Variants in STK39 observed in about 807,000 individuals in gnomAD.
STK39 encodes serine/threonine kinase 39.
A neutral mutation model predicts 77.8 loss-of-function variants in STK39; 20 were observed. The ratio of observed to expected loss-of-function variants is 0.26; its 90% CI spans 0.18 to 0.37. The LOEUF is 0.37. Among genes scored for constraint, STK39 ranks in the 10% least tolerant of loss-of-function variants. STK39 has a pLI of 1.00. For missense variants in STK39, 479 were observed against 656.5 expected, an observed-to-expected ratio of 0.73 and a Z score of 2.95; for synonymous variants, 246 against 234.1, an observed-to-expected ratio of 1.05 and a Z score of -0.47.
chr2:168,090,065 C>G (rs577744066), intron 10 of STK39, among the ~76,000 whole-genome samples: 2 of 152,120 alleles, frequency 1.3e-5, no homozygotes, highest in East Asian at 3.8e-4. Flanking sequence ...TCCGAGGTAG[C>G]TGAGTTTGTG....
At position 168,138,240 on chromosome 2, in the gene STK39, T is replaced by C; in HGVS notation, c.841-19A>G. 6.2e-7 allele frequency: 1 copy of C among 1,606,396 alleles called. No homozygotes were observed. The highest frequency in any genetic ancestry group is 8.5e-7 in the Non-Finnish European group (1 of 1,176,088). On this transcript the variant is annotated intron_variant, in intron 7 of 17. Coordinates refer to ENST00000355999, the MANE Select transcript of STK39 (RefSeq NM_013233.3). The stretch of plus-strand genomic sequence containing the variant: ...TTAACACCTGCAGCAGAAACAAACA[T>C]GAAGACAGAATCTCAGTATAGCAAT...
chr2:168,168,797 C>A (rs890672197), intron 2 of STK39, among the ~76,000 whole-genome samples: 15 of 152,160 alleles, frequency 9.9e-5, no homozygotes, highest in Non-Finnish European at 2.2e-4. Flanking sequence ...TCAAGACCAG[C>A]CCAGCCAACA....
intron 16 of STK39, among the ~76,000 whole-genome samples, chr2:168,002,722 C>A (rs1684032264): frequency 6.6e-6 from 1 of 152,176 alleles, no homozygotes; most frequent in African/African-American, 2.4e-5. Context: ...TTACTTTAGT[C>A]TGTCTTTCTT....
At chr2:168,178,445 T>C (rs1271860325) in intron 2 of STK39, among the ~76,000 whole-genome samples, 2 of 152,216 alleles carry the variant, frequency 1.3e-5, no homozygotes, top group Non-Finnish European at 2.9e-5. Context: ...TTTGGGAGTG[T>C]TCTAATCTAA....
At chr2:167,999,547 T>C (rs1465943201) in intron 16 of STK39, among the ~76,000 whole-genome samples, 1 of 152,122 alleles carries the variant, frequency 6.6e-6, no homozygotes, top group Admixed American at 6.5e-5. Flanking sequence ...TTGCAAGCTC[T>C]GCCTCCTGGG....
Position 168,163,804 on chromosome 2 carries a change from T to C in STK39, c.507A>G (p.Ile169Met). ...HKNGVLEEAI[I>M]ATILKEVLEG... is the part of the protein sequence containing the mutation. ...CCAAAACCTCTTTAAGAATTGTTGC[T>C]ATTATTGCCTCTTCCAGAACTCCAT... The change falls in exon 4 of 18, where the codon ATA becomes ATG. Residue 169 changes from isoleucine to methionine, a missense_variant. Coordinates refer to ENST00000355999, the MANE Select transcript of STK39 (RefSeq NM_013233.3). The C allele has an allele frequency of 6.2e-7, 1 of 1,614,022 alleles. No individual in the cohort carries two copies.
chr2:168,033,631 A>T (rs4668001), intron 14 of STK39, among the ~76,000 whole-genome samples: 7 of 152,168 alleles, frequency 4.6e-5, no homozygotes, highest in South Asian at 2.1e-4. Context: ...TGAACAGAGA[A>T]GGCAGGGGAG....
chr2:168,075,088 A>G (rs1686043982), intron 11 of STK39, 21 bp downstream of exon 11: 1 of 1,613,932 alleles, frequency 6.2e-7, no homozygotes, highest in Non-Finnish European at 8.5e-7. Flanking sequence ...AGATTAGCTC[A>G]TCGTCAACGA....
intron 14 of STK39, among the ~76,000 whole-genome samples, chr2:168,030,142 A>C (rs945312766): frequency 1.3e-5 from 2 of 152,196 alleles, no homozygotes; most frequent in Non-Finnish European, 2.9e-5. Context: ...CGGAAGGCTG[A>C]GGCAGGAGAA....
intron 1 of STK39, among the ~76,000 whole-genome samples, chr2:168,191,051 T>C (rs928952685): frequency 2.0e-5 from 3 of 152,210 alleles, no homozygotes; most frequent in African/African-American, 7.2e-5. Context: ...GATTCCTTAC[T>C]GCTTCAACCT....
At chr2:168,169,962 C>T (rs1264714398) in intron 2 of STK39, among the ~76,000 whole-genome samples, 1 of 152,152 alleles carries the variant, frequency 6.6e-6, no homozygotes, top group Non-Finnish European at 1.5e-5. Flanking sequence ...GGGTCCATGT[C>T]CCCAACTCCT....
intron 12 of STK39, among the ~76,000 whole-genome samples, chr2:168,072,484 C>T (rs542539510): frequency 7.2e-5 from 11 of 152,266 alleles, no homozygotes; most frequent in Middle Eastern, 3.4e-3. Flanking sequence ...CTTTCTATCA[C>T]TCCTATTCCA....
intron 10 of STK39, among the ~76,000 whole-genome samples, chr2:168,110,174 A>C (rs1427212992): frequency 6.6e-6 from 1 of 152,164 alleles, no homozygotes; most frequent in Non-Finnish European, 1.5e-5. Context: ...TTAAGTGTCT[A>C]ATCTGTTAGG....
At chr2:168,196,240 T>A (rs1689466631) in intron 1 of STK39, among the ~76,000 whole-genome samples, 1 of 152,250 alleles carries the variant, frequency 6.6e-6, no homozygotes, top group Non-Finnish European at 1.5e-5. Context: ...TGTTTATTCA[T>A]TGAACATATT....
At chr2:168,144,006 T>C (rs1357465465) in intron 5 of STK39, among the ~76,000 whole-genome samples, 2 of 152,222 alleles carry the variant, frequency 1.3e-5, no homozygotes, top group African/African-American at 4.8e-5. Context: ...GCACCCTGGC[T>C]CTTGGTGAGT....
intron 1 of STK39, among the ~76,000 whole-genome samples, chr2:168,203,864 G>T (rs1432895834): frequency 3.3e-5 from 5 of 152,238 alleles, no homozygotes; most frequent in Admixed American, 6.5e-5. Context: ...GAAGTGCTGG[G>T]ATTACAGGCG....
chr2:168,161,639 T>C lies in STK39; in HGVS notation c.628+148A>G, dbSNP rs570376273. On this transcript the variant is annotated intron_variant, in intron 5 of 17. Transcript: ENST00000355999. ...ACTTATCAAAACAATAAGGAAAATA[T>C]GTTATCCTTCGGACCCAAACATTCT... 5.3e-5 allele frequency: 29 copies of C among 548,322 alleles called. No individual in the cohort carries two copies. The East Asian group carries it at 5.6e-4, about 11-fold the overall frequency. The allele number at this position is 548,322 out of a possible 1,614,324, so 34.0% of individuals were successfully genotyped here.
chr2:168,032,882 A>T (rs183887346), intron 14 of STK39, among the ~76,000 whole-genome samples: 1 of 152,368 alleles, frequency 6.6e-6, no homozygotes, highest in African/African-American at 2.4e-5. Flanking sequence ...ATTCTCTGTC[A>T]ACTTTAATTT....
intron 16 of STK39, among the ~76,000 whole-genome samples, chr2:167,968,039 T>C (rs1559037620): frequency 2.0e-5 from 3 of 151,392 alleles, no homozygotes; most frequent in Non-Finnish European, 4.4e-5. Flanking sequence ...GAACATGCGG[T>C]ATTTGGTTTT....
Sources: allele counts gnomAD v4.1 joint callset (sites outside exome capture counted in the v4.1 genomes callset), GRCh38; gene constraint gnomAD v4.1.1; transcripts MANE v1.5; gene names NCBI Gene and HGNC (gene_info 2026-07-23, HGNC 2026-07-21).